Variants in MIS18A observed in about 807,000 individuals in gnomAD.
The protein encoded by MIS18A is MIS18 kinetochore protein A, also known as protein Mis18-alpha.
Under a neutral mutation model 25.0 loss-of-function variants are expected in MIS18A, and 14 were observed. The observed-to-expected ratio is 0.56, with a 90% CI of 0.37 to 0.88. The LOEUF is 0.88. Among genes scored for constraint, MIS18A ranks in the 40% least tolerant of loss-of-function variants. The pLI is 0.00. For missense variants in MIS18A, 292 were observed against 290.8 expected (o/e 1.00, Z -0.03); for synonymous variants, 134 against 118.6 (o/e 1.13, Z -0.84).
chr21:32,275,075 G>A (rs1255975822), intron 1 of MIS18A, among the ~76,000 whole-genome samples, 179 bp from the exon 2 acceptor site: 1 of 152,132 alleles, frequency 6.6e-6, no homozygotes, highest in African/African-American at 2.4e-5. Flanking sequence ...AAAGATAGCA[G>A]AATAAGAGTT....
the MIS18A span, among the ~76,000 whole-genome samples, chr21:32,185,106 G>A: frequency 6.6e-6 from 1 of 151,980 alleles, no homozygotes; most frequent in Non-Finnish European, 1.5e-5. Context: ...GTCAATCAAG[G>A]GACTCTTCAC....
rs1446550480 is a variant in MIS18A at position 32,278,953 on chromosome 21, T to C, written c.62A>G (p.Asp21Gly). 1.2e-6 allele frequency: 2 copies of C among 1,612,738 alleles called. No individual in the cohort carries two copies. Among genetic ancestry groups the C allele is most frequent in the Admixed American group, 1.7e-5 (1 of 60,002 alleles). Residue 21 changes from aspartate to glycine, a missense_variant, in exon 1 of 5, where the codon GAC becomes GGC. Asp to Gly is a moderately conservative substitution (Grantham distance 94). Coordinates refer to ENST00000290130, the MANE Select transcript of MIS18A (RefSeq NM_018944.3). Reference sequence around the variant, plus strand: ...CGAGGAGTCGCTGCATTTGCCCTTGTCGCCGCACTCACAGCCGCCAGCGCA... The same window carrying C: ...CGAGGAGTCGCTGCATTTGCCCTTGCCGCCGCACTCACAGCCGCCAGCGCA... Reference protein sequence around the residue: ...RGCAGGCECGDKGKCSDSSLL... With the variant: ...RGCAGGCECGGKGKCSDSSLL...
chr21:32,248,838 CT>C, the MIS18A span, among the ~76,000 whole-genome samples: 4 of 152,200 alleles, frequency 2.6e-5, no homozygotes, highest in Non-Finnish European at 4.4e-5. Flanking sequence ...TTCCCTCCCC[CT>C]TTTGTCTTGT....
At chr21:32,160,056 C>T in the MIS18A span, among the ~76,000 whole-genome samples, 1 of 152,274 alleles carries the variant, frequency 6.6e-6, no homozygotes, top group African/African-American at 2.4e-5. Flanking sequence ...AGAGACTTTG[C>T]AGGGCAATTT....
chr21:32,252,223 G>A, the MIS18A span, among the ~76,000 whole-genome samples: 1 of 95,966 alleles, frequency 1.0e-5, no homozygotes, highest in Non-Finnish European at 2.1e-5. Flanking sequence ...AGAAGAAGAA[G>A]AAGAAGAAGA....
At chr21:32,251,429 C>A in the MIS18A span, among the ~76,000 whole-genome samples, 1 of 152,100 alleles carries the variant, frequency 6.6e-6, no homozygotes, top group African/African-American at 2.4e-5. Context: ...CCCACACTCT[C>A]CCTCTTCAGG....
the MIS18A span, among the ~76,000 whole-genome samples, chr21:32,253,596 C>T: frequency 6.6e-6 from 1 of 152,136 alleles, no homozygotes; most frequent in African/African-American, 2.4e-5. Context: ...TGATGGGAGC[C>T]CCAGGGAGGG....
At chr21:32,209,463 TC>T in the MIS18A span, among the ~76,000 whole-genome samples, 4 of 152,308 alleles carry the variant, frequency 2.6e-5, no homozygotes, top group Non-Finnish European at 4.4e-5. Context: ...TTATGTTTAA[TC>T]TTTTCAATTA....
At chr21:32,207,377 G>T in the MIS18A span, among the ~76,000 whole-genome samples, 1 of 152,164 alleles carries the variant, frequency 6.6e-6, no homozygotes, top group Non-Finnish European at 1.5e-5. Context: ...TACATAAGTC[G>T]TTGGGAAATG....
At chr21:32,161,634 G>A in the MIS18A span, among the ~76,000 whole-genome samples, 9 of 150,232 alleles carry the variant, frequency 6.0e-5, no homozygotes, top group East Asian at 5.8e-4. Context: ...TGGTATTGCC[G>A]GTGCCTGCCA....
the MIS18A span, among the ~76,000 whole-genome samples, chr21:32,243,842 A>G: frequency 6.6e-6 from 1 of 152,016 alleles, no homozygotes; most frequent in African/African-American, 2.4e-5. Flanking sequence ...ACATGATGAA[A>G]CCCTGTCTCT....
At chr21:32,240,242 C>T in the MIS18A span, among the ~76,000 whole-genome samples, 1 of 152,262 alleles carries the variant, frequency 6.6e-6, no homozygotes, top group Admixed American at 6.5e-5. Flanking sequence ...TAATCCCCAA[C>T]ATGGTGGTAC....
chr21:32,249,647 A>G, the MIS18A span, among the ~76,000 whole-genome samples: 1 of 152,216 alleles, frequency 6.6e-6, no homozygotes, highest in East Asian at 1.9e-4. Context: ...ACATAAAGAA[A>G]AGAGACGTGG....
At chr21:32,161,629 T>C in the MIS18A span, among the ~76,000 whole-genome samples, 1 of 150,798 alleles carries the variant, frequency 6.6e-6, no homozygotes, top group Admixed American at 6.7e-5. Context: ...GCAGCTGGTA[T>C]TGCCGGTGCC....
the MIS18A span, among the ~76,000 whole-genome samples, chr21:32,248,699 T>C: frequency 1.3e-5 from 2 of 152,358 alleles, no homozygotes. Flanking sequence ...CAAGATAGTC[T>C]GGTCTCATTG....
the MIS18A span, among the ~76,000 whole-genome samples, chr21:32,254,397 GGCA>G: frequency 6.6e-6 from 1 of 151,704 alleles, no homozygotes; most frequent in Admixed American, 6.6e-5. Flanking sequence ...CAGGTGTGGT[GGCA>G]GGCACCTGTA....
the MIS18A span, among the ~76,000 whole-genome samples, chr21:32,208,625 T>C: frequency 1.3e-5 from 2 of 152,224 alleles, no homozygotes; most frequent in African/African-American, 4.8e-5. Context: ...AATATGAGAA[T>C]GGACTAATAC....
chr21:32,217,714 A>C, the MIS18A span, among the ~76,000 whole-genome samples: 1 of 152,196 alleles, frequency 6.6e-6, no homozygotes, highest in Admixed American at 6.5e-5. Context: ...GAGAGCAGCA[A>C]GACAGTAGAG....
chr21:32,252,280 G>GA, the MIS18A span, among the ~76,000 whole-genome samples: 1 of 137,374 alleles, frequency 7.3e-6, no homozygotes, highest in African/African-American at 2.9e-5. Context: ...AGGAGGAGGA[G>GA]GAAGAGAGAA....
Sources: gnomAD v4.1 joint callset for allele counts (sites outside exome capture counted in the v4.1 genomes callset) on GRCh38, gnomAD v4.1.1 for gene constraint, MANE v1.5 for transcripts, NCBI Gene and HGNC (gene_info 2026-07-23, HGNC 2026-07-21) for gene names.